KCTD9: variants seen among roughly 807,000 people sequenced by gnomAD.
The protein encoded by KCTD9 is potassium channel tetramerization domain containing 9, also known as BTB/POZ domain-containing protein KCTD9.
Under a neutral mutation model 53.3 loss-of-function variants are expected in KCTD9, and 17 were observed. That is an observed-to-expected ratio of 0.32 (90% CI 0.22 to 0.48). The LOEUF (loss-of-function observed/expected upper bound fraction) is 0.48, where lower values mean the gene tolerates loss of function less well. Among genes scored for constraint, KCTD9 ranks in the 20% least tolerant of loss-of-function variants. The probability of loss-of-function intolerance (pLI) is 0.99; values close to 1 mark genes in which losing one functional copy is unlikely to be tolerated. For missense variants in KCTD9, 179 were observed against 465.5 expected (o/e 0.38, Z 5.66); for synonymous variants, 128 against 162.7 (o/e 0.79, Z 1.62).
intron 10 of KCTD9, 72 bp downstream of exon 10, chr8:25,433,258 T>A: frequency 1.2e-6 from 1 of 819,592 alleles, no homozygotes; most frequent in Non-Finnish European, 2.0e-6. Context: ...CCCTTAACAA[T>A]TATTTTCCAG....
At chr8:25,457,320 A>C (rs1355251064) in intron 1 of KCTD9, 1 of 979,614 alleles carries the variant, frequency 1.0e-6, no homozygotes, top group African/African-American at 1.7e-5. Context: ...GTAAAGGCTG[A>C]GTTACTTCTA....
rs59540797 is a variant in KCTD9, at chr8:25,437,847, CAAAAAAAAAAAAAAAAAA to C, written c.500-1380_500-1363del. Among the ~76,000 whole-genome samples, 50 of 62,550 alleles carry C rather than the reference CAAAAAAAAAAAAAAAAAA, an allele frequency of 8.0e-4. 1 individual carries two copies. The highest frequency in any genetic ancestry group is 4.7e-3 in the Admixed American group (20 of 4,238). 41.0% of individuals were successfully genotyped at this position (62,550 alleles called of 152,430 possible). A position where few individuals can be genotyped will look rare whatever the true frequency, so the allele number is the denominator to read the frequency against. On this transcript the variant is annotated intron_variant, in intron 6 of 11. Coordinates refer to ENST00000221200, the MANE Select transcript of KCTD9 (RefSeq NM_017634.4). The stretch of plus-strand genomic sequence containing the variant: ...TGGGTGACAGAGCGAGACCCTGTCT[CAAAAAAAAAAAAAAAAAA>C]AAAAAAAAAAAAAAAATCTGGATTT...
chr8:25,431,391 A>C lies in KCTD9; in HGVS notation c.1053+1113T>G, dbSNP rs972320019. ...AGTGTAACCACCGCAATTTGAAGCTATTTCTTAATTTGTCTTGAGATCACG... is the reference window on the plus strand; with the variant it reads ...AGTGTAACCACCGCAATTTGAAGCTCTTTCTTAATTTGTCTTGAGATCACG... On this transcript the variant is annotated intron_variant, in intron 11 of 11. Transcript: ENST00000221200. Among the ~76,000 whole-genome samples the C allele has an allele frequency of 2.8e-4, 43 of 152,260 alleles. 1 individual carries two copies. Among genetic ancestry groups the C allele is most frequent in the African/African-American group, 9.4e-4 (39 of 41,544 alleles).
Position 25,436,343 on chromosome 8 carries a change from A to G in KCTD9, c.568-13T>C, listed in dbSNP as rs753366998. The G allele has an allele frequency of 1.3e-6, 2 of 1,597,716 alleles. No individual in the cohort carries two copies. Among genetic ancestry groups the G allele is most frequent in the Non-Finnish European group, 1.7e-6 (2 of 1,165,486 alleles). On this transcript the variant is annotated splice_polypyrimidine_tract_variant and intron_variant, in intron 7 of 11. Coordinates refer to ENST00000221200, the MANE Select transcript of KCTD9 (RefSeq NM_017634.4). The stretch of plus-strand genomic sequence containing the variant: ...GTGGTTGAGAATTCTTAAAAAAGAC[A>G]TTAAGAAATTAGTGGAGTCTTTTGG...
At chr8:25,456,949 G>GGTA (rs1802450496) in intron 1 of KCTD9, among the ~76,000 whole-genome samples, 1 of 152,180 alleles carries the variant, frequency 6.6e-6, no homozygotes, top group South Asian at 2.1e-4. Context: ...TTAGATAACA[G>GGTA]GTAGTAGCTA....
rs772499398 is a variant in KCTD9, at chr8:25,429,829, T to C, written c.*28A>G. 6 of 1,083,098 alleles carry C rather than the reference T, an allele frequency of 5.5e-6. No individual in the cohort carries two copies. Among genetic ancestry groups the C allele is most frequent in the Non-Finnish European group, 8.6e-6 (6 of 696,824 alleles). The allele number at this position is 1,083,098 out of a possible 1,614,324, so 67.1% of individuals were successfully genotyped here. On this transcript the variant is annotated 3_prime_UTR_variant, in exon 12 of 12. Coordinates refer to ENST00000221200, the MANE Select transcript of KCTD9 (RefSeq NM_017634.4). ...GTGATAAGGAAAACATTTTCATCTTTTACATCTTCCTCCAGCCCCTAAAAT... is the reference window on the plus strand; with the variant it reads ...GTGATAAGGAAAACATTTTCATCTTCTACATCTTCCTCCAGCCCCTAAAAT...
chr8:25,445,098 A>G (rs1282049757), intron 2 of KCTD9, among the ~76,000 whole-genome samples: 1 of 152,214 alleles, frequency 6.6e-6, no homozygotes, highest in Non-Finnish European at 1.5e-5. Context: ...TTTTCCTTAG[A>G]AACTGAAAGA....
chr8:25,434,499 G>A (rs556019478), intron 9 of KCTD9, among the ~76,000 whole-genome samples: 1 of 151,960 alleles, frequency 6.6e-6, no homozygotes, highest in South Asian at 2.1e-4. Flanking sequence ...ACTATTTAAA[G>A]ATTAGGTCCT....
rs886934242 is a variant in KCTD9, at chr8:25,458,304, C to T, written c.-58G>A. On this transcript the variant is annotated 5_prime_UTR_variant, in exon 1 of 12. Coordinates refer to ENST00000221200, the MANE Select transcript of KCTD9 (RefSeq NM_017634.4). ...CCACCCTCCCACCTGGTCCTCCTCC[C>T]ACCTTTTTCTCCTCCCGCCCTTCCC... 6.9e-6 allele frequency: 11 copies of T among 1,593,082 alleles called. No individual in the cohort carries two copies. In the African/African-American group the frequency reaches 1.2e-4, roughly 17 times the overall value.
intron 3 of KCTD9, 38 bp from the exon 4 acceptor site, chr8:25,440,711 A>G (rs764013251): frequency 7.3e-7 from 1 of 1,377,444 alleles, no homozygotes; most frequent in South Asian, 1.2e-5. Flanking sequence ...AAATATTAAG[A>G]TTGGGGATTC....
intron 4 of KCTD9, among the ~76,000 whole-genome samples, chr8:25,440,220 G>A (rs1407421795): frequency 2.0e-5 from 3 of 151,234 alleles, no homozygotes; most frequent in Non-Finnish European, 2.9e-5. Context: ...CACTACGCCC[G>A]GCTAATTTTT....
chr8:25,435,627 T>C, intron 8 of KCTD9, 115 bp from the exon 9 acceptor site: 1 of 778,282 alleles, frequency 1.3e-6, no homozygotes, highest in South Asian at 2.1e-5. Context: ...TTCAGTCACT[T>C]GGAGTTTATT....
In KCTD9 at chr8:25,438,165, A is replaced by G. The variant is rs1216675018; in HGVS notation, c.499+1114T>C. Reference sequence around the variant, plus strand: ...CAGATGTGTGACACAGCATGGATAAATATATTTCTGACATTTTCTAGGCAA... The same window carrying G: ...CAGATGTGTGACACAGCATGGATAAGTATATTTCTGACATTTTCTAGGCAA... On this transcript the variant is annotated intron_variant, in intron 6 of 11. Coordinates refer to ENST00000221200, the MANE Select transcript of KCTD9 (RefSeq NM_017634.4). Among the ~76,000 whole-genome samples the G allele has an allele frequency of 2.6e-5, 4 of 152,224 alleles. No individual in the cohort carries two copies. The East Asian group carries it at 5.8e-4, about 22-fold the overall frequency.
In KCTD9 at chr8:25,428,201, GA is replaced by G. The variant is rs1801872587; in HGVS notation, c.*1655del. 1 of 152,582 alleles carries G rather than the reference GA, an allele frequency of 6.6e-6. No homozygotes were observed. The highest frequency in any genetic ancestry group is 6.5e-5 in the Admixed American group (1 of 15,270). The allele number at this position is 152,582 out of a possible 1,614,324, so 9.5% of individuals were successfully genotyped here. A position where few individuals can be genotyped will look rare whatever the true frequency, so the allele number is the denominator to read the frequency against. ...CTGTAATTCCTGAAAATATAGTACAGAGTGAAATGATTTAAATATAATTTAG... is the reference window on the plus strand; with the variant it reads ...CTGTAATTCCTGAAAATATAGTACAGGTGAAATGATTTAAATATAATTTAG... On this transcript the variant is annotated 3_prime_UTR_variant, in exon 12 of 12. Coordinates refer to ENST00000221200, the MANE Select transcript of KCTD9 (RefSeq NM_017634.4).
rs1032425562 is a variant in KCTD9, at chr8:25,458,415, C to G, written c.-169G>C. On this transcript the variant is annotated 5_prime_UTR_variant, in exon 1 of 12. Coordinates refer to ENST00000221200, the MANE Select transcript of KCTD9 (RefSeq NM_017634.4). The stretch of plus-strand genomic sequence containing the variant: ...ACACGCACGCACTCTGTCCCACACC[C>G]AAGGTTCGGCCGGTCCTCCTTCCCA... The G allele has an allele frequency of 1.3e-6, 1 of 748,120 alleles. No homozygotes were observed. Among genetic ancestry groups the G allele is most frequent in the African/African-American group, 1.7e-5 (1 of 57,520 alleles). 46.3% of individuals were successfully genotyped at this position (748,120 alleles called of 1,614,324 possible).
At chr8:25,441,725 T>C (rs1412754474) in intron 3 of KCTD9, among the ~76,000 whole-genome samples, 1 of 152,112 alleles carries the variant, frequency 6.6e-6, no homozygotes, top group African/African-American at 2.4e-5. Context: ...TGGTCAGACG[T>C]GGTGGCTCAT....
rs563549275 is a variant in KCTD9 at position 25,441,331 on chromosome 8, T to C, written c.215-658A>G. 2.0e-5 allele frequency among the ~76,000 whole-genome samples: 3 copies of C among 152,284 alleles called. No individual in the cohort carries two copies. The South Asian group carries it at 6.2e-4, about 32-fold the overall frequency. On this transcript the variant is annotated intron_variant, in intron 3 of 11. Coordinates refer to ENST00000221200, the MANE Select transcript of KCTD9 (RefSeq NM_017634.4). Reference sequence around the variant, plus strand: ...GGAAAAACTGTCCTGTCAGCCCTCTTTTCAAGTTAAGAAAAACTAATTTCA... The same window carrying C: ...GGAAAAACTGTCCTGTCAGCCCTCTCTTCAAGTTAAGAAAAACTAATTTCA...
intron 1 of KCTD9, among the ~76,000 whole-genome samples, chr8:25,454,745 T>C (rs929712231): frequency 6.6e-6 from 1 of 152,236 alleles, no homozygotes; most frequent in African/African-American, 2.4e-5. Context: ...GGTAACATAC[T>C]TTTGGGCATG....
intron 11 of KCTD9, 34 bp from the exon 12 acceptor site, chr8:25,430,007 G>T: frequency 8.3e-7 from 1 of 1,205,490 alleles, no homozygotes; most frequent in Non-Finnish European, 1.2e-6. Context: ...TGTAATTCAT[G>T]TGGAAATTTC....
Sources: allele counts gnomAD v4.1 joint callset (sites outside exome capture counted in the v4.1 genomes callset), GRCh38; gene constraint gnomAD v4.1.1; transcripts MANE v1.5; gene names NCBI Gene and HGNC (gene_info 2026-07-23, HGNC 2026-07-21).